Variants in CLSTN1 observed in about 807,000 individuals in gnomAD.
CLSTN1 encodes calsyntenin-1.
CLSTN1 carries 28 observed loss-of-function variants against 108.3 expected under a neutral mutation model. The observed-to-expected ratio is 0.26, with a 90% CI of 0.19 to 0.35. CLSTN1 has a LOEUF of 0.35. CLSTN1 is among the 10% of genes least tolerant of loss of function. The pLI, the probability that CLSTN1 is intolerant of heterozygous loss-of-function variation, is 1.00. For missense variants in CLSTN1, 1,157 were observed against 1,302.6 expected, an observed-to-expected ratio of 0.89 and a Z score of 1.72; for synonymous variants, 524 against 534.9, an observed-to-expected ratio of 0.98 and a Z score of 0.28.
At chr1:9,765,053 T>C (rs147538168) in intron 2 of CLSTN1, among the ~76,000 whole-genome samples, 2 of 152,116 alleles carry the variant, frequency 1.3e-5, no homozygotes, top group South Asian at 4.1e-4. Context: ...AGCTGAAGCA[T>C]GTGAAATGTC....
At chr1:9,764,390 A>G (rs761378517) in intron 2 of CLSTN1, among the ~76,000 whole-genome samples, 1 of 152,088 alleles carries the variant, frequency 6.6e-6, no homozygotes, top group African/African-American at 2.4e-5. Context: ...TAATCCCAAC[A>G]CTTTGGGAGG....
At chr1:9,772,723 A>C (rs1354007625) in intron 2 of CLSTN1, among the ~76,000 whole-genome samples, 1 of 152,230 alleles carries the variant, frequency 6.6e-6, no homozygotes, top group Non-Finnish European at 1.5e-5. Context: ...CTGAGGCTAC[A>C]ATCTCATGTC....
intron 2 of CLSTN1, among the ~76,000 whole-genome samples, chr1:9,767,281 G>A (rs1269736030): frequency 6.6e-6 from 1 of 152,194 alleles, no homozygotes; most frequent in Non-Finnish European, 1.5e-5. Flanking sequence ...AGTGGCTCAC[G>A]CCTGTAATCC....
At position 9,734,014 on chromosome 1, in the gene CLSTN1, C is replaced by T. The variant is rs1201881943; in HGVS notation, c.2239G>A (p.Gly747Ser). ...EVDMARLQQKGIEVSSSELGM... is the reference protein window; with the variant it reads ...EVDMARLQQKSIEVSSSELGM... ...AGTTCAGAGCTGCTCACTTCAATGC[C>T]CTTCTGCTGCAGGCGGGCCATGTCC... The change falls in exon 15 of 19, where the codon GGC becomes AGC. Residue 747 changes from glycine to serine, a missense_variant. Gly to Ser is a moderately conservative substitution (Grantham distance 56). Transcript: ENST00000377298. The surrounding 1 kb of genome is among the most constrained non-coding windows in gnomAD (Gnocchi z 4.8). 10 of 1,614,194 alleles carry T rather than the reference C, an allele frequency of 6.2e-6. No homozygotes were observed. The highest frequency in any genetic ancestry group is 8.5e-6 in the Non-Finnish European group (10 of 1,180,032).
At chr1:9,731,980 G>A in intron 16 of CLSTN1, 84 bp from the exon 17 acceptor site, 1 of 1,550,452 alleles carries the variant, frequency 6.4e-7, no homozygotes, top group Non-Finnish European at 8.9e-7. Flanking sequence ...CAGCTGGCAT[G>A]ACCAGTGCCA....
Position 9,755,230 on chromosome 1 carries a change from T to C in CLSTN1, c.324A>G (p.Gly108=), listed in dbSNP as rs146420941. The C allele has an allele frequency of 2.6e-5, 42 of 1,613,946 alleles. No individual in the cohort carries two copies. In the African/African-American group the frequency reaches 5.5e-4, roughly 21 times the overall value. Residue 108 remains glycine, a synonymous_variant, in exon 4 of 19, where the codon GGA becomes GGG. Coordinates refer to ENST00000377298, the MANE Select transcript of CLSTN1 (RefSeq NM_001009566.3). The stretch of plus-strand genomic sequence containing the variant: ...CCAGTTTCTCTTTGGAGCGAATGAC[T>C]CCCTCACCAGTGGATTTATCCACTA... The part of the protein sequence containing the change: ...AVVVDKSTGE[G]VIRSKEKLDC...
chr1:9,739,711 C>T (rs942776344), intron 10 of CLSTN1, among the ~76,000 whole-genome samples: 1 of 151,982 alleles, frequency 6.6e-6, no homozygotes, highest in Admixed American at 6.6e-5. Flanking sequence ...ATAATAAAAA[C>T]CTTGATCTGG....
Position 9,730,700 on chromosome 1 carries a change from A to G in CLSTN1, c.2754T>C (p.Tyr918=), listed in dbSNP as rs749518521. 12 of 1,601,888 alleles carry G rather than the reference A, an allele frequency of 7.5e-6. No individual in the cohort carries two copies. In the South Asian group the frequency reaches 1.3e-4, roughly 18 times the overall value. The change falls in exon 19 of 19, where the codon TAT becomes TAC. Residue 918 remains tyrosine, a synonymous_variant. Transcript: ENST00000377298. The surrounding 1 kb of genome is among the most constrained non-coding windows in gnomAD (Gnocchi z 5.6). ...CCTCCTCACTGCTGTGCTGGTCCTC[A>G]TAGGTCTGGCAAGGAGAAGTGACGG... ...LTITVNPMET[Y]EDQHSSEEEE...
chr1:9,800,570 A>AG (rs1462236780), intron 1 of CLSTN1, among the ~76,000 whole-genome samples: 1 of 149,534 alleles, frequency 6.7e-6, no homozygotes, highest in Non-Finnish European at 1.5e-5. Context: ...AAAAAAAAAA[A>AG]AAAAAAAAAA....
chr1:9,765,187 C>T (rs1652265161), intron 2 of CLSTN1, among the ~76,000 whole-genome samples: 1 of 151,950 alleles, frequency 6.6e-6, no homozygotes, highest in Non-Finnish European at 1.5e-5. Context: ...GAGTTCAAGA[C>T]CAGCCTGACC....
rs369575079 is a variant in CLSTN1 at position 9,796,557 on chromosome 1, G to A, written c.92-23163C>T. 1.4e-4 allele frequency among the ~76,000 whole-genome samples: 21 copies of A among 150,794 alleles called. 1 individual carries two copies. In the East Asian group the frequency reaches 2.6e-3, roughly 19 times the overall value. ...AAATTAGCCGGACGTGGTGGCAGGC[G>A]CCTGTAGTCCCAGCAACTCAGGAGG... is the stretch of plus-strand genomic sequence containing the variant. On this transcript the variant is annotated intron_variant, in intron 1 of 18. Transcript: ENST00000377298.
At chr1:9,759,338 C>T (rs536612227) in intron 2 of CLSTN1, among the ~76,000 whole-genome samples, 48 of 152,336 alleles carry the variant, frequency 3.2e-4, no homozygotes, top group African/African-American at 9.6e-4. Flanking sequence ...TGCAGTGGCA[C>T]GATCTTGGCT....
intron 1 of CLSTN1, among the ~76,000 whole-genome samples, chr1:9,775,957 G>A (rs201560274): frequency 2.9e-4 from 44 of 151,932 alleles, no homozygotes; most frequent in East Asian, 1.4e-3. Flanking sequence ...AGACAGACCA[G>A]AACAAAGCTG....
At chr1:9,761,940 T>C (rs1652093621) in intron 2 of CLSTN1, among the ~76,000 whole-genome samples, 1 of 152,086 alleles carries the variant, frequency 6.6e-6, no homozygotes, top group South Asian at 2.1e-4. Flanking sequence ...TGGAAACAGG[T>C]GGAAGCCAAG....
chr1:9,804,905 C>T (rs1202785405), intron 1 of CLSTN1, among the ~76,000 whole-genome samples: 2 of 151,866 alleles, frequency 1.3e-5, no homozygotes, highest in Non-Finnish European at 2.9e-5. Flanking sequence ...CAGGAGATCA[C>T]GAGGTCAGGA....
chr1:9,778,363 T>C (rs1653059626), intron 1 of CLSTN1, among the ~76,000 whole-genome samples: 1 of 152,160 alleles, frequency 6.6e-6, no homozygotes, highest in Non-Finnish European at 1.5e-5. Context: ...GAAATGAGTA[T>C]ATAAGAAACC....
chr1:9,748,420 A>C (rs1651387084), intron 7 of CLSTN1, among the ~76,000 whole-genome samples: 1 of 152,214 alleles, frequency 6.6e-6, no homozygotes, highest in Admixed American at 6.5e-5. Flanking sequence ...ATTCTAAGTT[A>C]GATGTGGCTA....
At position 9,747,449 on chromosome 1, in the gene CLSTN1, CATA is replaced by C. The variant is rs1188844806; in HGVS notation, c.985+2009_985+2011del. On this transcript the variant is annotated intron_variant, in intron 7 of 18. Coordinates refer to ENST00000377298, the MANE Select transcript of CLSTN1 (RefSeq NM_001009566.3). Reference sequence around the variant, plus strand: ...TATGCTCATCATTGGACTGTGGCAGCATAATGTCTAGTTTTCTACTTTGGTTTA... The same window carrying C: ...TATGCTCATCATTGGACTGTGGCAGCATGTCTAGTTTTCTACTTTGGTTTA... Among the ~76,000 whole-genome samples the C allele has an allele frequency of 7.9e-5, 12 of 152,188 alleles. No individual in the cohort carries two copies. The South Asian group carries it at 1.9e-3, about 24-fold the overall frequency.
intron 7 of CLSTN1, among the ~76,000 whole-genome samples, 177 bp downstream of exon 7, chr1:9,749,284 C>A (rs1429216785): frequency 2.6e-5 from 4 of 152,148 alleles, no homozygotes; most frequent in Non-Finnish European, 1.5e-5. Flanking sequence ...TGCCCCACCC[C>A]CGAAGCCCAT....
Sources: allele counts gnomAD v4.1 joint callset (sites outside exome capture counted in the v4.1 genomes callset), GRCh38; gene constraint gnomAD v4.1.1; non-coding constraint Gnocchi (gnomAD v3.1); transcripts MANE v1.5; gene names NCBI Gene and HGNC (gene_info 2026-07-23, HGNC 2026-07-21).